SPCS3: variants seen among roughly 807,000 people sequenced by gnomAD.
SPCS3 encodes SPase 22 kDa subunit.
A neutral mutation model predicts 17.2 loss-of-function variants in SPCS3; 9 were observed. The observed-to-expected ratio is 0.52, with a 90% CI of 0.31 to 0.91. SPCS3 has a LOEUF of 0.91. Among genes scored for constraint, SPCS3 ranks in the 40% least tolerant of loss-of-function variants. The probability of loss-of-function intolerance (pLI) is 0.04; values close to 1 mark genes in which losing one functional copy is unlikely to be tolerated. For synonymous variants in SPCS3, 87 were observed against 89.6 expected (o/e 0.97, Z 0.16); for missense variants, 139 against 217.5 (o/e 0.64, Z 2.27).
chr4:176,328,278 G>T lies in SPCS3; in HGVS notation c.491G>T (p.Gly164Val). The change falls in exon 5 of 5, where the codon GGA (glycine) becomes GTA (valine). Residue 164 changes from glycine (G) to valine (V), a missense_variant. Gly to Val is a moderately radical substitution (Grantham distance 109, BLOSUM62 -3). Transcript: ENST00000503362. ...ATTCTACCTCTTGTGACAGGATCAG[G>T]ACACGTATCTGTCCCATTTCCAGAT... ...AGILPLVTGSGHVSVPFPDTY... is the reference protein window; with the variant it reads ...AGILPLVTGSVHVSVPFPDTY... 1 of 1,612,300 alleles carries T rather than the reference G, an allele frequency of 6.2e-7. No individual in the cohort carries two copies. The highest frequency in any genetic ancestry group is 1.1e-5 in the South Asian group (1 of 90,740).
rs1262982089 is a variant in SPCS3, at chr4:176,320,428, C to T, written c.143+209C>T. The T allele has an allele frequency of 1.3e-5, 4 of 315,556 alleles. 1 individual carries two copies. Among genetic ancestry groups the T allele is most frequent in the Non-Finnish European group, 2.2e-5 (4 of 177,928 alleles). 19.5% of individuals were successfully genotyped at this position (315,556 alleles called of 1,614,324 possible). A position where few individuals can be genotyped will look rare whatever the true frequency, so the allele number is the denominator to read the frequency against. ...TCCCCTCGGAACTTGCACCCCTCCACCGTAAATTCCCGGGCTTGCTCTTAA... is the reference window on the plus strand; with the variant it reads ...TCCCCTCGGAACTTGCACCCCTCCATCGTAAATTCCCGGGCTTGCTCTTAA... On this transcript the variant is annotated intron_variant, in intron 1 of 4. Transcript: ENST00000503362.
At chr4:176,321,386 T>G (rs13123660) in intron 1 of SPCS3, 31,024 of 151,964 alleles carry the variant, frequency 0.2, 3,290 homozygotes, top group Middle Eastern at 0.27. Flanking sequence ...TACCTAATTT[T>G]TAGGTTGTGA....
Position 176,320,017 on chromosome 4 carries a change from G to A in SPCS3, c.-60G>A. 1 of 1,426,048 alleles carries A rather than the reference G, an allele frequency of 7.0e-7. No individual in the cohort carries two copies. Among genetic ancestry groups the A allele is most frequent in the East Asian group, 2.9e-5 (1 of 34,580 alleles). 88.3% of individuals were successfully genotyped at this position (1,426,048 alleles called of 1,614,324 possible). A position where few individuals can be genotyped will look rare whatever the true frequency, so the allele number is the denominator to read the frequency against. On this transcript the variant is annotated 5_prime_UTR_variant, in exon 1 of 5. Transcript: ENST00000503362. ...GGCGCGGATCGCAGGGAGCCGGTCCGCCGCCGGAACGGGAGCCTGGGTGTG... is the reference window on the plus strand; with the variant it reads ...GGCGCGGATCGCAGGGAGCCGGTCCACCGCCGGAACGGGAGCCTGGGTGTG...
chr4:176,323,602 G>A (rs536497094), intron 2 of SPCS3, among the ~76,000 whole-genome samples: 1 of 152,262 alleles, frequency 6.6e-6, no homozygotes, highest in Non-Finnish European at 1.5e-5. Flanking sequence ...CACCAGTCTT[G>A]TTAATTCTGG....
chr4:176,331,747 T>TTC lies in SPCS3; in HGVS notation c.*3417_*3418insTC, dbSNP rs1731690782. 6.6e-6 allele frequency: 1 copy of TTC among 152,072 alleles called. No individual in the cohort carries two copies. Among genetic ancestry groups the TTC allele is most frequent in the African/African-American group, 2.4e-5 (1 of 41,382 alleles). The allele number at this position is 152,072 out of a possible 1,614,324, so 9.4% of individuals were successfully genotyped here. The stretch of plus-strand genomic sequence containing the variant: ...GGGATTACAGGCGCCCGCCACCACG[T>TTC]CCGGCTAATTTTTGTATTTTCAGTA... On this transcript the variant is annotated 3_prime_UTR_variant, in exon 5 of 5. Transcript: ENST00000503362.
chr4:176,325,743 TTTTA>T (rs1428105849), intron 3 of SPCS3, among the ~76,000 whole-genome samples: 4 of 152,028 alleles, frequency 2.6e-5, no homozygotes, highest in South Asian at 4.2e-4. Flanking sequence ...TTGTTGTTGT[TTTTA>T]TTTATTTATT....
rs148639134 is a variant in SPCS3 at position 176,325,498 on chromosome 4, T to C, written c.294+1241T>C. ...ATATAATCAAAAGCTGTAAAGATTG[T>C]TAATAATTTTCAAACCTTCTGAGAT... On this transcript the variant is annotated intron_variant, in intron 3 of 4. Transcript: ENST00000503362. Among the ~76,000 whole-genome samples, 33 of 151,998 alleles carry C rather than the reference T, an allele frequency of 2.2e-4. No individual in the cohort carries two copies. The East Asian group carries it at 5.2e-3, about 24-fold the overall frequency.
At chr4:176,324,306 T>G (rs940225283) in intron 3 of SPCS3, 49 bp downstream of exon 3, 7 of 853,736 alleles carry the variant, frequency 8.2e-6, no homozygotes, top group Non-Finnish European at 9.7e-6. Context: ...AAAGTCTTAC[T>G]CTTTACGAAA....
Position 176,329,629 on chromosome 4 carries a change from A to G in SPCS3, c.*1299A>G, listed in dbSNP as rs995244895. ...TAAAAGCATAAGGAAATCTACATGT[A>G]TGTAAAAATAACTTAGAAATTCAGT... On this transcript the variant is annotated 3_prime_UTR_variant, in exon 5 of 5. Transcript: ENST00000503362. 1.3e-4 allele frequency: 20 copies of G among 152,182 alleles called. No homozygotes were observed. The highest frequency in any genetic ancestry group is 4.8e-4 in the African/African-American group (20 of 41,452). The allele number at this position is 152,182 out of a possible 1,614,324, so 9.4% of individuals were successfully genotyped here. A position where few individuals can be genotyped will look rare whatever the true frequency, so the allele number is the denominator to read the frequency against.
chr4:176,323,084 C>T (rs948123162), intron 2 of SPCS3, among the ~76,000 whole-genome samples: 2 of 152,010 alleles, frequency 1.3e-5, no homozygotes, highest in African/African-American at 4.8e-5. Flanking sequence ...ATGAAATTTA[C>T]TTTTAGCTTA....
At chr4:176,324,463 TTG>T in intron 3 of SPCS3, among the ~76,000 whole-genome samples, 2 of 150,638 alleles carry the variant, frequency 1.3e-5, no homozygotes, top group African/African-American at 5.0e-5. Context: ...TGTTTTCTGT[TTG>T]TTCTATTTAG....
chr4:176,324,149 T>C (rs766201655), intron 2 of SPCS3, 32 bp from the exon 3 acceptor site: 4 of 1,010,316 alleles, frequency 4.0e-6, no homozygotes, highest in Non-Finnish European at 4.2e-6. Context: ...GATATACTGC[T>C]CATAAATTTA....
intron 1 of SPCS3, chr4:176,321,120 C>T (rs1344342018): frequency 3.3e-5 from 5 of 151,370 alleles, no homozygotes; most frequent in Non-Finnish European, 7.4e-5. Flanking sequence ...TTGTCAGAAT[C>T]GCCAAGAAGC....
intron 2 of SPCS3, 24 bp downstream of exon 2, chr4:176,322,267 T>A (rs1198186297): frequency 6.7e-7 from 1 of 1,485,030 alleles, no homozygotes; most frequent in East Asian, 2.3e-5. Context: ...AAATATTTCG[T>A]TGCGTTTTCT....
intron 4 of SPCS3, 126 bp from the exon 5 acceptor site, chr4:176,328,072 A>G (rs1051996378): frequency 9.4e-6 from 8 of 852,386 alleles, no homozygotes; most frequent in African/African-American, 3.5e-5. Context: ...GCAGATTAAC[A>G]TATTAGGATT....
At chr4:176,323,893 G>A (rs543323505) in intron 2 of SPCS3, among the ~76,000 whole-genome samples, 119 of 150,210 alleles carry the variant, frequency 7.9e-4, no homozygotes, top group African/African-American at 2.6e-3. Context: ...ACCAAATTTT[G>A]GATTTGTTCT....
In SPCS3 at chr4:176,331,134, A is replaced by G. The variant is rs1731680354; in HGVS notation, c.*2804A>G. 2 of 152,102 alleles carry G rather than the reference A, an allele frequency of 1.3e-5. No individual in the cohort carries two copies. Among genetic ancestry groups the G allele is most frequent in the Admixed American group, 1.3e-4 (2 of 15,272 alleles). The allele number at this position is 152,102 out of a possible 1,614,324, so 9.4% of individuals were successfully genotyped here. On this transcript the variant is annotated 3_prime_UTR_variant, in exon 5 of 5. Coordinates refer to ENST00000503362, the MANE Select transcript of SPCS3 (RefSeq NM_021928.4). ...CTTAGAGATGATAGATGGGCTTTTT[A>G]AAGATTTCATCTTAGAGATGAAAAG...
intron 3 of SPCS3, among the ~76,000 whole-genome samples, chr4:176,324,984 A>G (rs994391452): frequency 1.3e-5 from 2 of 152,160 alleles, no homozygotes; most frequent in Admixed American, 6.5e-5. Context: ...TTGCTGAACT[A>G]TCAACTAGGA....
rs1180743263 is a variant in SPCS3, at chr4:176,330,872, G to A, written c.*2542G>A. The stretch of plus-strand genomic sequence containing the variant: ...TAGAAATGAATTAATTTAAAAATGT[G>A]TTCACATATCCCTTTCTCTAACAGT... On this transcript the variant is annotated 3_prime_UTR_variant, in exon 5 of 5. Transcript: ENST00000503362. 6.6e-6 allele frequency: 1 copy of A among 152,148 alleles called. No homozygotes were observed. Among genetic ancestry groups the A allele is most frequent in the East Asian group, 1.9e-4 (1 of 5,186 alleles). The allele number at this position is 152,148 out of a possible 1,614,324, so 9.4% of individuals were successfully genotyped here.
Sources: allele counts gnomAD v4.1 joint callset (sites outside exome capture counted in the v4.1 genomes callset), GRCh38; gene constraint gnomAD v4.1.1; transcripts MANE v1.5; gene names NCBI Gene and HGNC (gene_info 2026-07-23, HGNC 2026-07-21).